SP100: variants seen among roughly 807,000 people sequenced by gnomAD.
SP100 encodes nuclear autoantigen Sp-100.
SP100 carries 84 observed loss-of-function variants against 130.0 expected under a neutral mutation model. That is an observed-to-expected ratio of 0.65 (90% CI 0.54 to 0.77). The LOEUF is 0.77. SP100 is among the 30% of genes least tolerant of loss of function. The pLI, the probability that SP100 is intolerant of heterozygous loss-of-function variation, is 0.00. For synonymous variants in SP100, 331 were observed against 351.7 expected, an observed-to-expected ratio of 0.94 and a Z score of 0.66; for missense variants, 978 against 1,052.2, an observed-to-expected ratio of 0.93 and a Z score of 0.97.
chr2:230,515,650 A>G lies in SP100; in HGVS notation c.2094+4484A>G, dbSNP rs762445129. 10 of 1,591,750 alleles carry G rather than the reference A, an allele frequency of 6.3e-6. No individual in the cohort carries two copies. The Admixed American group carries it at 7.2e-5, about 11-fold the overall frequency. Reference sequence around the variant, plus strand: ...AGATGATGATAAATAAGTTGCTTCTAGTGCAGTTTTTTTCTTGTCTATAAA... The same window carrying G: ...AGATGATGATAAATAAGTTGCTTCTGGTGCAGTTTTTTTCTTGTCTATAAA... On this transcript the variant is annotated intron_variant, in intron 24 of 28. Transcript: ENST00000340126.
chr2:230,537,312 T>C (rs1002741422), intron 24 of SP100, among the ~76,000 whole-genome samples: 5 of 152,186 alleles, frequency 3.3e-5, no homozygotes, highest in African/African-American at 7.2e-5. Flanking sequence ...TGAGAGGGGA[T>C]AGAAAAGAAG....
Position 230,542,019 on chromosome 2 carries a change from A to G in SP100, c.2531A>G (p.His844Arg). 1 of 1,614,052 alleles carries G rather than the reference A, an allele frequency of 6.2e-7. No individual in the cohort carries two copies. The highest frequency in any genetic ancestry group is 8.5e-7 in the Non-Finnish European group (1 of 1,179,944). Residue 844 changes from histidine (H) to arginine (R), a missense_variant, in exon 28 of 29, where the codon CAC (histidine) becomes CGC (arginine). Transcript: ENST00000340126. ...VQDMRLIFHNHKEFYREDKFT... is the reference protein window; with the variant it reads ...VQDMRLIFHNRKEFYREDKFT... ...GACATGCGTCTCATCTTTCATAACC[A>G]CAAGGAATTTTACAGGGTGAGTGGC... is the stretch of plus-strand genomic sequence containing the variant.
At chr2:230,459,271 G>A (rs1052102039) in intron 8 of SP100, among the ~76,000 whole-genome samples, 1 of 152,132 alleles carries the variant, frequency 6.6e-6, no homozygotes, top group African/African-American at 2.4e-5. Flanking sequence ...GAAGGGAAGA[G>A]AGAAGACAAA....
chr2:230,485,189 ATGATAC>A (rs1217204520), intron 17 of SP100, among the ~76,000 whole-genome samples: 3 of 151,440 alleles, frequency 2.0e-5, no homozygotes, highest in African/African-American at 7.3e-5. Flanking sequence ...CTGGTCTCAA[ATGATAC>A]ACCCATCTTA....
chr2:230,520,301 TTTC>T (rs1691111839), intron 24 of SP100, among the ~76,000 whole-genome samples: 1 of 152,180 alleles, frequency 6.6e-6, no homozygotes, highest in African/African-American at 2.4e-5. Context: ...ACAGAGAATG[TTTC>T]TTAACTTCAG....
At chr2:230,493,691 T>C (rs1317252320) in intron 17 of SP100, 1 of 152,206 alleles carries the variant, frequency 6.6e-6, no homozygotes, top group African/African-American at 2.4e-5. Flanking sequence ...CTGGCTGTTA[T>C]AAACACAATT....
intron 21 of SP100, among the ~76,000 whole-genome samples, chr2:230,506,044 T>C (rs180735056): frequency 6.6e-6 from 1 of 150,490 alleles, no homozygotes. Context: ...TATAGCAAAA[T>C]ACGTTGAAAA....
chr2:230,536,198 A>T (rs1338783260), intron 24 of SP100, among the ~76,000 whole-genome samples: 2 of 151,940 alleles, frequency 1.3e-5, no homozygotes, highest in African/African-American at 4.8e-5. Context: ...TTCAGAAGAA[A>T]CCTATAGTAT....
chr2:230,541,796 C>T (rs910560383), intron 27 of SP100, 96 bp from the exon 28 acceptor site: 4 of 1,347,802 alleles, frequency 3.0e-6, no homozygotes. Context: ...AGGATTTTGA[C>T]CTATGGATTG....
chr2:230,492,343 C>A (rs1219079008), intron 17 of SP100, among the ~76,000 whole-genome samples: 1 of 152,190 alleles, frequency 6.6e-6, no homozygotes, highest in Non-Finnish European at 1.5e-5. Context: ...GGGTCTCACT[C>A]TGTCACCCAG....
intron 8 of SP100, among the ~76,000 whole-genome samples, chr2:230,452,468 AC>A (rs747893153): frequency 3.3e-5 from 5 of 152,124 alleles, no homozygotes; most frequent in Non-Finnish European, 7.4e-5. Context: ...GAGCCACTGC[AC>A]CTGGCCGCCA....
At chr2:230,530,826 C>T (rs567709965) in intron 24 of SP100, among the ~76,000 whole-genome samples, 12 of 152,294 alleles carry the variant, frequency 7.9e-5, no homozygotes, top group South Asian at 2.1e-4. Context: ...AAATGCTCAT[C>T]ATCTCTGGTC....
Position 230,525,157 on chromosome 2 carries a change from AT to A in SP100, c.2094+13997del, listed in dbSNP as rs1466502802. 2.0e-5 allele frequency among the ~76,000 whole-genome samples: 3 copies of A among 152,156 alleles called. No homozygotes were observed. The East Asian group carries it at 5.8e-4, about 29-fold the overall frequency. Reference sequence around the variant, plus strand: ...TTTTTGTCCTAAAGTAAAATGACTTATTTTTTAAAAAAAAGAAAAAGAAAAT... The same window carrying A: ...TTTTTGTCCTAAAGTAAAATGACTTATTTTTAAAAAAAAGAAAAAGAAAAT... On this transcript the variant is annotated intron_variant, in intron 24 of 28. Transcript: ENST00000340126.
At chr2:230,437,709 C>T (rs1250992463) in intron 2 of SP100, among the ~76,000 whole-genome samples, 1 of 152,002 alleles carries the variant, frequency 6.6e-6, no homozygotes, top group Non-Finnish European at 1.5e-5. Context: ...CAGGCATGCA[C>T]CACCATGCCT....
intron 3 of SP100, among the ~76,000 whole-genome samples, chr2:230,443,567 A>G (rs2063554540): frequency 6.6e-6 from 1 of 152,224 alleles, no homozygotes; most frequent in Non-Finnish European, 1.5e-5. Context: ...TGATGTCTAG[A>G]GAGGACAAAT....
At chr2:230,477,142 G>A (rs1283901093) in intron 17 of SP100, among the ~76,000 whole-genome samples, 1 of 152,114 alleles carries the variant, frequency 6.6e-6, no homozygotes, top group Admixed American at 6.5e-5. Context: ...TGGGATTACA[G>A]GCATGAGCTA....
rs563661783 is a variant in SP100, at chr2:230,439,712, A to C, written c.108-3225A>C. 3.9e-5 allele frequency among the ~76,000 whole-genome samples: 6 copies of C among 152,170 alleles called. No homozygotes were observed. The East Asian group carries it at 9.6e-4, about 24-fold the overall frequency. On this transcript the variant is annotated intron_variant, in intron 2 of 28. Coordinates refer to ENST00000340126, the MANE Select transcript of SP100 (RefSeq NM_001080391.2). Reference sequence around the variant, plus strand: ...TTATGATTTTGTATCCTGAAACTTAACTGAATTCATTTATCAGATCTATAT... The same window carrying C: ...TTATGATTTTGTATCCTGAAACTTACCTGAATTCATTTATCAGATCTATAT...
intron 25 of SP100, among the ~76,000 whole-genome samples, 176 bp from the exon 26 acceptor site, chr2:230,540,700 G>A (rs1347616375): frequency 2.6e-5 from 4 of 152,194 alleles, no homozygotes; most frequent in Non-Finnish European, 4.4e-5. Context: ...ATTGGTGGGA[G>A]GGCATGCCTT....
At chr2:230,492,706 T>C (rs2066454567) in intron 17 of SP100, among the ~76,000 whole-genome samples, 1 of 152,220 alleles carries the variant, frequency 6.6e-6, no homozygotes. Context: ...TTTTTGTCCT[T>C]TTGCCAGAAT....
Sources: allele counts gnomAD v4.1 joint callset (sites outside exome capture counted in the v4.1 genomes callset), GRCh38; gene constraint gnomAD v4.1.1; transcripts MANE v1.5; gene names NCBI Gene and HGNC (gene_info 2026-07-23, HGNC 2026-07-21).